The following DNMT3A variants were observed in gnomAD, a reference collection of about 807,000 sequenced individuals.
DNMT3A encodes DNA methyltransferase 3 alpha.
Under a neutral mutation model 117.6 loss-of-function variants are expected in DNMT3A, and 267 were observed. The observed-to-expected ratio is 2.27, with a 90% CI of 2.05 to 2.51. The LOEUF (loss-of-function observed/expected upper bound fraction) is 2.51. DNMT3A is among the 30% of genes most tolerant of loss of function. The pLI is 0.00. For missense variants in DNMT3A, 1,029 were observed against 1,260.2 expected (o/e 0.82, Z 2.78); for synonymous variants, 432 against 474.8 (o/e 0.91, Z 1.17).
intron 1 of DNMT3A, among the ~76,000 whole-genome samples, chr2:25,320,124 G>A (rs1318157741): frequency 4.6e-5 from 7 of 152,190 alleles, no homozygotes; most frequent in Non-Finnish European, 5.9e-5. Context: ...GCTCTAATGA[G>A]GGGAGTGAGC....
chr2:25,328,466 G>A lies in DNMT3A; in HGVS notation c.-178+13360C>T, dbSNP rs186143908. On this transcript the variant is annotated intron_variant, in intron 1 of 22. Coordinates refer to ENST00000321117, the MANE Select transcript of DNMT3A (RefSeq NM_022552.5). Reference sequence around the variant, plus strand: ...AACATCTCTCCTCCCCCAAAACACCGTCCCCTTCTCCTCGACCACCCACCC... The same window carrying A: ...AACATCTCTCCTCCCCCAAAACACCATCCCCTTCTCCTCGACCACCCACCC... 2.5e-3 allele frequency among the ~76,000 whole-genome samples: 377 copies of A among 151,916 alleles called. 2 individuals carry two copies. The highest frequency in any genetic ancestry group is 8.9e-3 in the African/African-American group (369 of 41,392).
intron 6 of DNMT3A, among the ~76,000 whole-genome samples, chr2:25,272,247 G>A (rs189276905): frequency 1.3e-5 from 2 of 152,194 alleles, no homozygotes; most frequent in Admixed American, 6.5e-5. Context: ...TCGGCCTCCC[G>A]AAGTGCTGGG....
chr2:25,298,666 G>A lies in DNMT3A; in HGVS notation c.177+1473C>T, dbSNP rs1424680059. 6.6e-6 allele frequency among the ~76,000 whole-genome samples: 1 copy of A among 152,188 alleles called. No homozygotes were observed. The highest frequency in any genetic ancestry group is 1.9e-4 in the East Asian group (1 of 5,196). The stretch of plus-strand genomic sequence containing the variant: ...CCTGTGGGCAGAGGAGGGTGCAGGG[G>A]CCCTGGGAATCTGGAGTCTGCTGCC... On this transcript the variant is annotated intron_variant, in intron 3 of 22. Coordinates refer to ENST00000321117, the MANE Select transcript of DNMT3A (RefSeq NM_022552.5). The surrounding 1 kb of genome is among the most constrained non-coding windows in gnomAD (Gnocchi z 4.3).
chr2:25,242,433 C>T lies in DNMT3A; in HGVS notation c.1937-726G>A, dbSNP rs564119454. 1.9e-4 allele frequency among the ~76,000 whole-genome samples: 29 copies of T among 152,292 alleles called. No homozygotes were observed. In the South Asian group the frequency reaches 5.8e-3, roughly 30 times the overall value. Reference sequence around the variant, plus strand: ...GAAACAGGGTACGGCACTGTTTCTGCTGCTCCCAACATGTCCCCCAGCCAA... The same window carrying T: ...GAAACAGGGTACGGCACTGTTTCTGTTGCTCCCAACATGTCCCCCAGCCAA... On this transcript the variant is annotated intron_variant, in intron 16 of 22. Transcript: ENST00000321117.
In DNMT3A at chr2:25,243,922, A is replaced by G; in HGVS notation, c.1912T>C (p.Ser638Pro). 6.4e-7 allele frequency: 1 copy of G among 1,552,100 alleles called. No homozygotes were observed. Among genetic ancestry groups the G allele is most frequent in the Non-Finnish European group, 8.7e-7 (1 of 1,147,108 alleles). Residue 638 changes from serine (S) to proline (P), a missense_variant, in exon 16 of 23, where the codon TCT becomes CCT. Transcript: ENST00000321117. ...CCTGTAGCGATTCCATCAAAGAGAG[A>G]CAGCACCCGGATGGGCTTCCTCTTC... ...AEKRKPIRVL[S>P]LFDGIATGLL...
At chr2:25,284,113 C>T (rs1259825712) in intron 3 of DNMT3A, among the ~76,000 whole-genome samples, 1 of 152,228 alleles carries the variant, frequency 6.6e-6, no homozygotes, top group African/African-American at 2.4e-5. Context: ...CTCTGCCACA[C>T]CCACAGGCAC....
At chr2:25,243,451 A>G (rs985153968) in intron 16 of DNMT3A, among the ~76,000 whole-genome samples, 1 of 152,252 alleles carries the variant, frequency 6.6e-6, no homozygotes, top group African/African-American at 2.4e-5. Context: ...ACAAACGCAC[A>G]GAAAAAAATC....
In DNMT3A at chr2:25,304,431, C is replaced by G. The variant is rs1342606144; in HGVS notation, c.73-4188G>C. ...CATCCTGATTCGTACTTCACTCCCA[C>G]TCCATCCTCCCCATCCCCCTCTCCC... is the stretch of plus-strand genomic sequence containing the variant. On this transcript the variant is annotated intron_variant, in intron 2 of 22. Coordinates refer to ENST00000321117, the MANE Select transcript of DNMT3A (RefSeq NM_022552.5). This position sits in a 1 kb window ranked among gnomAD's most constrained non-coding sequence, Gnocchi z 4.3. 2.0e-5 allele frequency among the ~76,000 whole-genome samples: 3 copies of G among 152,232 alleles called. No individual in the cohort carries two copies. In the East Asian group the frequency reaches 5.8e-4, roughly 29 times the overall value.
Position 25,294,579 on chromosome 2 carries a change from G to C in DNMT3A, c.177+5560C>G, listed in dbSNP as rs1424596185. Among the ~76,000 whole-genome samples, 2 of 152,206 alleles carry C rather than the reference G, an allele frequency of 1.3e-5. No individual in the cohort carries two copies. The highest frequency in any genetic ancestry group is 4.8e-5 in the African/African-American group (2 of 41,450). ...GGTCCGGAGGGTTAGCCCAGGAGCG[G>C]CTCTGATCTGAAAACAAGCAGGGCT... On this transcript the variant is annotated intron_variant, in intron 3 of 22. Coordinates refer to ENST00000321117, the MANE Select transcript of DNMT3A (RefSeq NM_022552.5). The surrounding 1 kb of genome is among the most constrained non-coding windows in gnomAD (Gnocchi z 4.7).
intron 6 of DNMT3A, among the ~76,000 whole-genome samples, chr2:25,253,679 C>G (rs566586379): frequency 1.3e-5 from 2 of 152,296 alleles, no homozygotes; most frequent in South Asian, 2.1e-4. Flanking sequence ...GAAAAATCAG[C>G]CTAGTTGCCG....
rs371184231 is a variant in DNMT3A, at chr2:25,310,813, G to A, written c.72+3100C>T. Among the ~76,000 whole-genome samples the A allele has an allele frequency of 2.5e-4, 38 of 152,302 alleles. No individual in the cohort carries two copies. The South Asian group carries it at 7.7e-3, about 31-fold the overall frequency. ...TGTGCGCAACAGTATCCCCTGGAGG[G>A]ATGGTTAAAGGTGCCCGGCTGGGTC... is the stretch of plus-strand genomic sequence containing the variant. On this transcript the variant is annotated intron_variant, in intron 2 of 22. Transcript: ENST00000321117.
Position 25,304,648 on chromosome 2 carries a change from G to T in DNMT3A, c.73-4405C>A, listed in dbSNP as rs529260252. 1.2e-4 allele frequency among the ~76,000 whole-genome samples: 19 copies of T among 152,342 alleles called. No homozygotes were observed. Among genetic ancestry groups the T allele is most frequent in the African/African-American group, 4.3e-4 (18 of 41,570 alleles). On this transcript the variant is annotated intron_variant, in intron 2 of 22. Transcript: ENST00000321117. This position sits in a 1 kb window ranked among gnomAD's most constrained non-coding sequence, Gnocchi z 4.3. ...ACCTTTGCCACGGGGGTTCCCGGGG[G>T]CCAGGAGGATCCAGCCAAGCTCCTC...
At position 25,300,730 on chromosome 2, in the gene DNMT3A, T is replaced by G. The variant is rs1372190868; in HGVS notation, c.73-487A>C. ...ATAATATAATATATATATATATATA[T>G]ATATATATATATATATATATATATA... On this transcript the variant is annotated intron_variant, in intron 2 of 22. Coordinates refer to ENST00000321117, the MANE Select transcript of DNMT3A (RefSeq NM_022552.5). 6.7e-5 allele frequency among the ~76,000 whole-genome samples: 2 copies of G among 29,734 alleles called. 1 individual carries two copies. The highest frequency in any genetic ancestry group is 3.0e-4 in the African/African-American group (2 of 6,596). The allele number at this position is 29,734 out of a possible 152,430, so 19.5% of individuals were successfully genotyped here.
chr2:25,248,183 GA>G lies in DNMT3A; in HGVS notation c.708del (p.Gln237ArgfsTer79). On this transcript the variant is annotated frameshift_variant, in exon 7 of 23. Coordinates refer to ENST00000321117, the MANE Select transcript of DNMT3A (RefSeq NM_022552.5). LOFTEE classifies it high-confidence loss of function. Reference protein sequence around the residue: ...AVEENQGPGESQKVEEASPPA... With the variant: ...AVEENQGPGEXQKVEEASPPA... ...GGAGGGCTGGCCTCCTCCACCTTCT[GA>G]GACTCCCCGGGCCCCTGGTTTTCTT... The G allele has an allele frequency of 6.2e-7, 1 of 1,613,844 alleles. No individual in the cohort carries two copies.
chr2:25,332,462 C>G (rs964989163), intron 1 of DNMT3A, among the ~76,000 whole-genome samples: 21 of 152,266 alleles, frequency 1.4e-4, no homozygotes, highest in African/African-American at 3.9e-4. Flanking sequence ...CCCACCTAAG[C>G]TGCAGGGTCA....
In DNMT3A at chr2:25,282,717, A is replaced by G; in HGVS notation, c.178-6T>C. ...GGCGTGTCACCGCTTTCCACCTGCA[A>G]ATGTAAGAAAGATACACAAGAGGAG... On this transcript the variant is annotated splice_region_variant and splice_polypyrimidine_tract_variant and intron_variant, in intron 3 of 22. Coordinates refer to ENST00000321117, the MANE Select transcript of DNMT3A (RefSeq NM_022552.5). The surrounding 1 kb of genome is among the most constrained non-coding windows in gnomAD (Gnocchi z 5.2). 6.6e-7 allele frequency: 1 copy of G among 1,519,816 alleles called. No homozygotes were observed. Among genetic ancestry groups the G allele is most frequent in the Non-Finnish European group, 8.8e-7 (1 of 1,133,044 alleles). 94.1% of individuals were successfully genotyped at this position (1,519,816 alleles called of 1,614,324 possible). A position where few individuals can be genotyped will look rare whatever the true frequency, so the allele number is the denominator to read the frequency against.
rs752382240 is a variant in DNMT3A at position 25,254,071 on chromosome 2, C to CAA, written c.640-5821_640-5820dup. 2.2e-4 allele frequency among the ~76,000 whole-genome samples: 16 copies of CAA among 71,132 alleles called. No homozygotes were observed. The highest frequency in any genetic ancestry group is 1.9e-3 in the South Asian group (4 of 2,068). The allele number at this position is 71,132 out of a possible 152,430, so 46.7% of individuals were successfully genotyped here. ...TGGGCAACAGAGCGAGACTCCGTCT[C>CAA]AAAAAAAAAAAAAAAAAAGATCTGG... On this transcript the variant is annotated intron_variant, in intron 6 of 22. Coordinates refer to ENST00000321117, the MANE Select transcript of DNMT3A (RefSeq NM_022552.5). The surrounding 1 kb of genome is among the most constrained non-coding windows in gnomAD (Gnocchi z 4.7).
rs1012205048 is a variant in DNMT3A, at chr2:25,237,445, C to G, written c.2409-440G>C. Among the ~76,000 whole-genome samples, 2 of 152,166 alleles carry G rather than the reference C, an allele frequency of 1.3e-5. No individual in the cohort carries two copies. The highest frequency in any genetic ancestry group is 4.8e-5 in the African/African-American group (2 of 41,442). On this transcript the variant is annotated intron_variant, in intron 20 of 22. Transcript: ENST00000321117. This position sits in a 1 kb window ranked among gnomAD's most constrained non-coding sequence, Gnocchi z 5.4. ...TGTCCACTGGATGAAATTAATCAAA[C>G]CGCAAGCCTTAAATGTACTGCTTTA...
intron 1 of DNMT3A, among the ~76,000 whole-genome samples, chr2:25,325,950 A>C (rs974331428): frequency 2.0e-5 from 3 of 152,234 alleles, no homozygotes; most frequent in East Asian, 1.9e-4. Context: ...CAAGTAAAAG[A>C]AGCATGACCT....
Sources: gnomAD v4.1 joint callset for allele counts (sites outside exome capture counted in the v4.1 genomes callset) on GRCh38, gnomAD v4.1.1 for gene constraint, Gnocchi (gnomAD v3.1) non-coding constraint, MANE v1.5 for transcripts, NCBI Gene and HGNC (gene_info 2026-07-23, HGNC 2026-07-21) for gene names.